The following SLC8A1 variants were observed in gnomAD, a reference collection of about 807,000 sequenced individuals.
The protein encoded by SLC8A1 is solute carrier family 8 member A1.
Under a neutral mutation model 68.3 loss-of-function variants are expected in SLC8A1, and 18 were observed. That is an observed-to-expected ratio of 0.26 (90% CI 0.18 to 0.39). The LOEUF (loss-of-function observed/expected upper bound fraction) is 0.39. Ranked by LOEUF, SLC8A1 falls within the 10% of genes least tolerant of loss-of-function variation. SLC8A1 has a pLI of 1.00. For missense variants in SLC8A1, 985 were observed against 1,156.7 expected (o/e 0.85, Z 2.15); for synonymous variants, 475 against 415.5 (o/e 1.14, Z -1.74).
At chr2:40,378,121 T>C (rs1368071902) in intron 2 of SLC8A1, among the ~76,000 whole-genome samples, 1 of 152,078 alleles carries the variant, frequency 6.6e-6, no homozygotes, top group Non-Finnish European at 1.5e-5. Context: ...TCTATGCCTT[T>C]ATAGAGTTTA....
At chr2:40,330,844 C>T (rs1415372572) in intron 2 of SLC8A1, among the ~76,000 whole-genome samples, 1 of 152,142 alleles carries the variant, frequency 6.6e-6, no homozygotes, top group Non-Finnish European at 1.5e-5. Flanking sequence ...GATTTACTGC[C>T]TCTGGAATCT....
chr2:40,491,173 GTAGT>G (rs1163442791), intron 1 of SLC8A1, among the ~76,000 whole-genome samples: 1 of 152,284 alleles, frequency 6.6e-6, no homozygotes, highest in Middle Eastern at 3.4e-3. Flanking sequence ...GCTTAGGTTT[GTAGT>G]TCTCCTTGAA....
At chr2:40,411,957 T>C (rs969290146) in intron 2 of SLC8A1, among the ~76,000 whole-genome samples, 2 of 152,138 alleles carry the variant, frequency 1.3e-5, no homozygotes, top group African/African-American at 4.8e-5. Flanking sequence ...TCTAACCTTT[T>C]TGTACATACT....
intron 7 of SLC8A1, among the ~76,000 whole-genome samples, chr2:40,121,759 T>C (rs2036877262): frequency 6.6e-6 from 1 of 152,198 alleles, no homozygotes; most frequent in Non-Finnish European, 1.5e-5. Context: ...AATCCATACA[T>C]GGTAGGGAAT....
chr2:40,173,312 T>C (rs1206208158), intron 4 of SLC8A1, among the ~76,000 whole-genome samples: 2 of 152,230 alleles, frequency 1.3e-5, no homozygotes, highest in African/African-American at 4.8e-5. Context: ...TATAAATTCC[T>C]GCACTTGATT....
chr2:40,413,994 AAAG>A (rs1693032054), intron 2 of SLC8A1, among the ~76,000 whole-genome samples: 1 of 152,184 alleles, frequency 6.6e-6, no homozygotes, highest in South Asian at 2.1e-4. Flanking sequence ...ACTAATTAAA[AAAG>A]AAAATTTGTA....
chr2:40,405,667 A>C (rs1690113539), intron 2 of SLC8A1, among the ~76,000 whole-genome samples: 1 of 152,216 alleles, frequency 6.6e-6, no homozygotes, highest in African/African-American at 2.4e-5. Context: ...AGAATGGGAA[A>C]AATGAGGTAA....
intron 1 of SLC8A1, among the ~76,000 whole-genome samples, chr2:40,446,211 C>T (rs1701416658): frequency 6.6e-6 from 1 of 152,174 alleles, no homozygotes; most frequent in Non-Finnish European, 1.5e-5. Flanking sequence ...CTGTCTCTTG[C>T]CTCACCTCTG....
chr2:40,361,773 A>G (rs989455479), intron 2 of SLC8A1, among the ~76,000 whole-genome samples: 2 of 151,910 alleles, frequency 1.3e-5, no homozygotes, highest in African/African-American at 4.8e-5. Context: ...CCTCTGCCCA[A>G]ATTCTAATAT....
intron 2 of SLC8A1, among the ~76,000 whole-genome samples, chr2:40,394,227 A>AAC (rs1686196952): frequency 6.6e-6 from 1 of 152,100 alleles, no homozygotes. Context: ...CTATGTGTCC[A>AAC]ACACGGTTGC....
At chr2:40,230,808 C>T (rs1412471043) in intron 2 of SLC8A1, among the ~76,000 whole-genome samples, 1 of 152,170 alleles carries the variant, frequency 6.6e-6, no homozygotes, top group Non-Finnish European at 1.5e-5. Context: ...GTTCTGTTCA[C>T]TCTACATTTA....
chr2:40,108,066 A>G (rs1385483406), exon 8 of SLC8A1: 1 of 152,214 alleles, frequency 6.6e-6, no homozygotes, highest in African/African-American at 2.4e-5. Context: ...CATCTAATGC[A>G]TCAAATATTT....
At chr2:40,142,909 TACC>T (rs1367524062) in intron 6 of SLC8A1, among the ~76,000 whole-genome samples, 1 of 152,014 alleles carries the variant, frequency 6.6e-6, no homozygotes, top group Non-Finnish European at 1.5e-5. Flanking sequence ...CCTCTGAAAT[TACC>T]TTCATGATCA....
intron 6 of SLC8A1, among the ~76,000 whole-genome samples, chr2:40,157,867 C>A (rs2044863074): frequency 1.3e-5 from 2 of 152,118 alleles, no homozygotes; most frequent in African/African-American, 4.8e-5. Flanking sequence ...CTCATAAATC[C>A]TTTAACTCTT....
chr2:40,220,144 T>C (rs906143017), intron 2 of SLC8A1: 2 of 90,576 alleles, frequency 2.2e-5, no homozygotes, highest in Non-Finnish European at 4.8e-5. Flanking sequence ...TGAAACAAAA[T>C]AGGCTTTTTT....
At chr2:40,398,442 TAAA>T (rs1460086611) in intron 2 of SLC8A1, among the ~76,000 whole-genome samples, 2 of 152,194 alleles carry the variant, frequency 1.3e-5, no homozygotes, top group Admixed American at 6.5e-5. Context: ...TTAAGTAACT[TAAA>T]GAATTACAAT....
chr2:40,452,965 T>C (rs1702736351), upstream of SLC8A1, among the ~76,000 whole-genome samples: 1 of 152,174 alleles, frequency 6.6e-6, no homozygotes. Flanking sequence ...CGAACCATTC[T>C]TTGCCCTTTC....
chr2:40,325,705 G>A (rs943523003), intron 2 of SLC8A1, among the ~76,000 whole-genome samples: 2 of 147,402 alleles, frequency 1.4e-5, no homozygotes, highest in African/African-American at 2.5e-5. Context: ...AGGCCAAGAC[G>A]GGTGGATCAC....
At chr2:40,172,214 G>T (rs1200778400) in intron 4 of SLC8A1, among the ~76,000 whole-genome samples, 1 of 152,218 alleles carries the variant, frequency 6.6e-6, no homozygotes, top group African/African-American at 2.4e-5. Context: ...AGGAGCATCA[G>T]TAGAGAGTGG....
Sources: allele counts gnomAD v4.1 joint callset (sites outside exome capture counted in the v4.1 genomes callset), GRCh38; gene constraint gnomAD v4.1.1; transcripts MANE v1.5; gene names NCBI Gene and HGNC (gene_info 2026-07-23, HGNC 2026-07-21).